Variants in CFAP69 observed in about 807,000 individuals in gnomAD.
The protein encoded by CFAP69 is cilia and flagella associated protein 69.
A neutral mutation model predicts 123.0 loss-of-function variants in CFAP69; 92 were observed. That is an observed-to-expected ratio of 0.75 (90% CI 0.63 to 0.89). The LOEUF is 0.89. Among genes scored for constraint, CFAP69 ranks in the 40% least tolerant of loss-of-function variants. CFAP69 has a pLI of 0.00. For synonymous variants in CFAP69, 380 were observed against 364.3 expected, an observed-to-expected ratio of 1.04 and a Z score of -0.49; for missense variants, 1,067 against 1,096.9, an observed-to-expected ratio of 0.97 and a Z score of 0.39.
intron 1 of CFAP69, among the ~76,000 whole-genome samples, chr7:90,253,966 T>C (rs1281215952): frequency 2.0e-5 from 3 of 152,192 alleles, no homozygotes; most frequent in Admixed American, 6.5e-5. Flanking sequence ...CTTCTTAGTT[T>C]GGGGTCTTAT....
intron 5 of CFAP69, 55 bp from the exon 6 acceptor site, chr7:90,268,231 T>C: frequency 8.9e-7 from 1 of 1,126,994 alleles, no homozygotes; most frequent in South Asian, 1.4e-5. Context: ...GCCTAAATTC[T>C]ACAAATAAGC....
chr7:90,255,256 A>G (rs1055724618), intron 1 of CFAP69, among the ~76,000 whole-genome samples, 167 bp from the exon 2 acceptor site: 3 of 152,176 alleles, frequency 2.0e-5, no homozygotes, highest in African/African-American at 7.2e-5. Context: ...TCCAAAATCT[A>G]TTTATTCCTG....
chr7:90,278,805 A>T (rs1330166854), intron 11 of CFAP69, among the ~76,000 whole-genome samples: 3 of 152,122 alleles, frequency 2.0e-5, no homozygotes, highest in African/African-American at 4.8e-5. Flanking sequence ...TTGAAACATT[A>T]TATACTTAAT....
chr7:90,277,788 A>T (rs908288082), intron 11 of CFAP69, among the ~76,000 whole-genome samples: 1 of 152,104 alleles, frequency 6.6e-6, no homozygotes, highest in Non-Finnish European at 1.5e-5. Flanking sequence ...CTCTCTATGA[A>T]TTTATCTTAA....
chr7:90,282,976 T>A lies in CFAP69; in HGVS notation c.1457T>A (p.Leu486His). 1 of 1,601,614 alleles carries A rather than the reference T, an allele frequency of 6.2e-7. No individual in the cohort carries two copies. Among genetic ancestry groups the A allele is most frequent in the Non-Finnish European group, 8.5e-7 (1 of 1,174,654 alleles). The stretch of plus-strand genomic sequence containing the variant: ...GCCCAGATGCGTTACAGTTTAAGAC[T>A]CCTGAGAGCCGTGGTCTACCTTGAA... Reference protein sequence around the residue: ...KFAQMRYSLRLLRAVVYLEDE... With the variant: ...KFAQMRYSLRHLRAVVYLEDE... Residue 486 changes from leucine (L) to histidine (H), a missense_variant, in exon 13 of 23, where the codon CTC becomes CAC. Transcript: ENST00000389297.
At chr7:90,267,866 C>T (rs1203818942) in intron 5 of CFAP69, among the ~76,000 whole-genome samples, 1 of 152,188 alleles carries the variant, frequency 6.6e-6, no homozygotes, top group Non-Finnish European at 1.5e-5. Context: ...GCCCTTTTCT[C>T]ATATTAGCTA....
intron 17 of CFAP69, chr7:90,303,723 A>G: frequency 9.5e-7 from 1 of 1,048,224 alleles, no homozygotes; most frequent in Non-Finnish European, 1.2e-6. Context: ...TTTAAAAAGT[A>G]ATTTTGTGAA....
chr7:90,261,078 T>A (rs985392686), intron 3 of CFAP69, among the ~76,000 whole-genome samples: 4 of 144,106 alleles, frequency 2.8e-5, no homozygotes, highest in African/African-American at 5.3e-5. Flanking sequence ...TATGTGCCAA[T>A]AGGATTTTTT....
intron 21 of CFAP69, 126 bp downstream of exon 21, chr7:90,307,980 A>T: frequency 1.8e-6 from 1 of 540,718 alleles, no homozygotes; most frequent in East Asian, 3.3e-5. Context: ...GCACTATTAG[A>T]TGCTCATATG....
chr7:90,295,191 T>C (rs1334154339), intron 15 of CFAP69, among the ~76,000 whole-genome samples: 2 of 152,154 alleles, frequency 1.3e-5, no homozygotes, highest in Admixed American at 1.3e-4. Context: ...TAACATCCCA[T>C]AGTGCCAAAC....
chr7:90,305,615 G>A (rs541203394), intron 19 of CFAP69, among the ~76,000 whole-genome samples: 11 of 151,788 alleles, frequency 7.2e-5, no homozygotes, highest in Admixed American at 2.0e-4. Flanking sequence ...CACCTTGGGA[G>A]GCCGAGGTGG....
At chr7:90,311,882 A>G (rs1794366497), downstream of CFAP69, among the ~76,000 whole-genome samples, 1 of 152,128 alleles carries the variant, frequency 6.6e-6, no homozygotes, top group African/African-American at 2.4e-5. Flanking sequence ...ACCACCTTCA[A>G]GAAGATATTA....
At chr7:90,313,228 C>T (rs1381363464), downstream of CFAP69, among the ~76,000 whole-genome samples, 2 of 152,196 alleles carry the variant, frequency 1.3e-5, no homozygotes, top group Non-Finnish European at 2.9e-5. Context: ...CTCCTCTAAA[C>T]TGTGACCAAA....
Position 90,297,763 on chromosome 7 carries a change from G to A in CFAP69, c.1790G>A (p.Gly597Glu), listed in dbSNP as rs1191484487. ...TTTAATTTAAGGTGCTGTATTTTGGGATGTTATCCCTCAGAGGATTATTTT... is the reference window on the plus strand; with the variant it reads ...TTTAATTTAAGGTGCTGTATTTTGGAATGTTATCCCTCAGAGGATTATTTT... ...TLDSIWCCIL[G>E]CYPSEDYFLE... Residue 597 changes from glycine to glutamate, a missense_variant, in exon 16 of 23, where the codon GGA (glycine) becomes GAA (glutamate). Coordinates refer to ENST00000389297, the MANE Select transcript of CFAP69 (RefSeq NM_001039706.3). 5 of 1,570,924 alleles carry A rather than the reference G, an allele frequency of 3.2e-6. No homozygotes were observed. The highest frequency in any genetic ancestry group is 4.3e-6 in the Non-Finnish European group (5 of 1,165,874).
rs1409286344 is a variant in CFAP69 at position 90,279,699 on chromosome 7, T to A, written c.1178T>A (p.Ile393Asn). Residue 393 changes from isoleucine (I) to asparagine (N), a missense_variant, in exon 12 of 23, where the codon ATT (isoleucine) becomes AAT (asparagine). Physicochemically the swap from Ile to Asn is moderately radical, Grantham distance 149. Coordinates refer to ENST00000389297, the MANE Select transcript of CFAP69 (RefSeq NM_001039706.3). Reference sequence around the variant, plus strand: ...CAGCTATTAATTGATGGCAAAGTTATTTTGGCTTTGTTTACCTATGTTAAG... The same window carrying A: ...CAGCTATTAATTGATGGCAAAGTTAATTTGGCTTTGTTTACCTATGTTAAG... ...TVQLLIDGKV[I>N]LALFTYVKKP... 4 of 1,603,896 alleles carry A rather than the reference T, an allele frequency of 2.5e-6. No individual in the cohort carries two copies. The African/African-American group carries it at 5.4e-5, about 22-fold the overall frequency.
At chr7:90,303,449 C>A in intron 17 of CFAP69, 1 of 546,294 alleles carries the variant, frequency 1.8e-6, no homozygotes, top group African/African-American at 2.1e-5. Context: ...GTGGGTTTGT[C>A]ATAGATGGCT....
chr7:90,319,744 C>T, the CFAP69 span: 1 of 398,288 alleles, frequency 2.5e-6, no homozygotes, highest in Non-Finnish European at 4.4e-6. Flanking sequence ...TGTAGCAAAA[C>T]ACATATTCTA....
At chr7:90,288,884 T>A (rs1192823736) in intron 15 of CFAP69, among the ~76,000 whole-genome samples, 1 of 78,438 alleles carries the variant, frequency 1.3e-5, no homozygotes, top group Non-Finnish European at 2.2e-5. Flanking sequence ...ATTACTGTAA[T>A]TTTTTTTTTA....
intron 19 of CFAP69, 68 bp from the exon 20 acceptor site, chr7:90,306,833 T>C (rs1038046346): frequency 5.3e-6 from 5 of 944,880 alleles, no homozygotes; most frequent in Non-Finnish European, 8.2e-6. Context: ...ATATAAAAAA[T>C]TGTATAATTG....
Sources: allele counts gnomAD v4.1 joint callset (sites outside exome capture counted in the v4.1 genomes callset), GRCh38; gene constraint gnomAD v4.1.1; transcripts MANE v1.5; gene names NCBI Gene and HGNC (gene_info 2026-07-23, HGNC 2026-07-21).